Variants in FCHSD2 observed in about 807,000 individuals in gnomAD.
The protein encoded by FCHSD2 is F-BAR and double SH3 domains protein 2.
In FCHSD2, 38 loss-of-function variants were observed where a neutral mutation model predicts 108.1. That is an observed-to-expected ratio of 0.35 (90% CI 0.27 to 0.46). FCHSD2 has a LOEUF of 0.46. FCHSD2 is among the 20% of genes least tolerant of loss of function. The pLI is 1.00. For missense variants in FCHSD2, 751 were observed against 897.8 expected (o/e 0.84, Z 2.09); for synonymous variants, 279 against 314.7 (o/e 0.89, Z 1.20).
At chr11:73,032,986 T>A (rs1441345850) in intron 3 of FCHSD2, among the ~76,000 whole-genome samples, 1 of 151,944 alleles carries the variant, frequency 6.6e-6, no homozygotes, top group Non-Finnish European at 1.5e-5. Flanking sequence ...GTGGGAAACA[T>A]GGATTAAGAG....
At chr11:73,077,229 A>G (rs1859579732) in intron 3 of FCHSD2, among the ~76,000 whole-genome samples, 1 of 152,062 alleles carries the variant, frequency 6.6e-6, no homozygotes, top group Non-Finnish European at 1.5e-5. Flanking sequence ...AAACAACCCA[A>G]TTTAAAAAAA....
At chr11:73,006,404 G>C (rs1185602523) in intron 4 of FCHSD2, among the ~76,000 whole-genome samples, 1 of 152,116 alleles carries the variant, frequency 6.6e-6, no homozygotes, top group Non-Finnish European at 1.5e-5. Context: ...CTAGTAGTTG[G>C]CTCAAACCCA....
At position 72,870,009 on chromosome 11, in the gene FCHSD2, C is replaced by G. The variant is rs560432308; in HGVS notation, c.1147-1983G>C. Among the ~76,000 whole-genome samples the G allele has an allele frequency of 2.2e-4, 33 of 152,284 alleles. No individual in the cohort carries two copies. In the South Asian group the frequency reaches 5.6e-3, roughly 26 times the overall value. On this transcript the variant is annotated intron_variant, in intron 12 of 19. Transcript: ENST00000409418. The stretch of plus-strand genomic sequence containing the variant: ...CTTCTACTGTTTCTTTCCACACCCC[C>G]CTATGCTCCCACCCCACTGTCCCAC...
intron 3 of FCHSD2, among the ~76,000 whole-genome samples, chr11:73,080,087 C>T (rs1052338885): frequency 6.6e-6 from 1 of 151,684 alleles, no homozygotes; most frequent in African/African-American, 2.4e-5. Flanking sequence ...TTACTTGAAC[C>T]CAGGAGTTCG....
At chr11:73,033,221 G>C (rs967010325) in intron 3 of FCHSD2, among the ~76,000 whole-genome samples, 1 of 151,632 alleles carries the variant, frequency 6.6e-6, no homozygotes, top group African/African-American at 2.4e-5. Context: ...CCGGGAGGCG[G>C]AGGTTGCAGT....
At chr11:72,870,746 A>C (rs1453874755) in intron 12 of FCHSD2, among the ~76,000 whole-genome samples, 2 of 151,806 alleles carry the variant, frequency 1.3e-5, no homozygotes, top group African/African-American at 2.4e-5. Flanking sequence ...TAAAAATACA[A>C]AAAATTAGCT....
intron 7 of FCHSD2, 37 bp from the exon 8 acceptor site, chr11:72,984,253 G>GAT (rs1857270120): frequency 6.2e-6 from 10 of 1,605,460 alleles, no homozygotes; most frequent in Non-Finnish European, 8.5e-6. Flanking sequence ...AGTGCAAACT[G>GAT]ATATTGTACT....
At chr11:72,919,478 T>C (rs1447487634) in intron 9 of FCHSD2, among the ~76,000 whole-genome samples, 3 of 152,192 alleles carry the variant, frequency 2.0e-5, no homozygotes, top group Non-Finnish European at 4.4e-5. Flanking sequence ...TAGAAGATCA[T>C]GGAAAGCACT....
At chr11:73,056,303 A>G (rs1277445348) in intron 3 of FCHSD2, among the ~76,000 whole-genome samples, 4 of 152,238 alleles carry the variant, frequency 2.6e-5, no homozygotes, top group Admixed American at 2.6e-4. Context: ...GATGGTCTCC[A>G]TCTTTAAAAT....
intron 8 of FCHSD2, among the ~76,000 whole-genome samples, chr11:72,939,444 A>C (rs1856369077): frequency 6.6e-6 from 1 of 152,084 alleles, no homozygotes; most frequent in South Asian, 2.1e-4. Flanking sequence ...TAATGGTACT[A>C]CAATTATAAC....
At chr11:73,077,468 T>A (rs987740246) in intron 3 of FCHSD2, 8 of 305,738 alleles carry the variant, frequency 2.6e-5, no homozygotes, top group African/African-American at 1.8e-4. Flanking sequence ...GGGAACAATC[T>A]CCTTGGAATA....
chr11:72,886,228 CTG>C (rs1362863656), intron 12 of FCHSD2, among the ~76,000 whole-genome samples: 2 of 152,182 alleles, frequency 1.3e-5, no homozygotes, highest in Admixed American at 6.5e-5. Context: ...AGTGCTTATT[CTG>C]TCTTTGGGAA....
At chr11:72,985,892 T>A (rs1417059322) in intron 6 of FCHSD2, among the ~76,000 whole-genome samples, 1 of 151,472 alleles carries the variant, frequency 6.6e-6, no homozygotes, top group Non-Finnish European at 1.5e-5. Context: ...GACCAGTGAT[T>A]TTTTTTTTAA....
At chr11:72,997,539 G>A (rs1045913942) in intron 5 of FCHSD2, among the ~76,000 whole-genome samples, 7 of 152,112 alleles carry the variant, frequency 4.6e-5, no homozygotes, top group Non-Finnish European at 8.8e-5. Flanking sequence ...GAGACCTACA[G>A]TAATTCAGAT....
intron 13 of FCHSD2, among the ~76,000 whole-genome samples, chr11:72,863,555 A>G (rs1854650648): frequency 6.6e-6 from 1 of 152,158 alleles, no homozygotes; most frequent in South Asian, 2.1e-4. Flanking sequence ...TAAGGAAATA[A>G]AAAAATAAGC....
chr11:72,914,839 T>A (rs527575711), intron 9 of FCHSD2, among the ~76,000 whole-genome samples: 1 of 151,946 alleles, frequency 6.6e-6, no homozygotes, highest in Non-Finnish European at 1.5e-5. Context: ...GATTTCATGA[T>A]GAAGATGCCA....
chr11:73,062,274 C>T (rs754043572), intron 3 of FCHSD2, among the ~76,000 whole-genome samples: 8 of 152,044 alleles, frequency 5.3e-5, no homozygotes, highest in African/African-American at 1.9e-4. Context: ...TCAAACACAC[C>T]AATGGAAGGT....
In FCHSD2 at chr11:72,836,774, T is replaced by G. The variant is rs1391849871; in HGVS notation, c.*2017A>C. On this transcript the variant is annotated 3_prime_UTR_variant, in exon 20 of 20. Transcript: ENST00000409418. ...TCCATTTTTTTTATTATTCAACATT[T>G]TATACATAATAAATACAAACTTTTT... is the stretch of plus-strand genomic sequence containing the variant. The G allele has an allele frequency of 6.6e-6, 1 of 152,596 alleles. No individual in the cohort carries two copies. 9.5% of individuals were successfully genotyped at this position (152,596 alleles called of 1,614,324 possible). A position where few individuals can be genotyped will look rare whatever the true frequency, so the allele number is the denominator to read the frequency against.
rs180959279 is a variant in FCHSD2 at position 73,041,480 on chromosome 11, A to G, written c.166-25595T>C. Among the ~76,000 whole-genome samples, 896 of 152,292 alleles carry G rather than the reference A, an allele frequency of 5.9e-3. 6 individuals are homozygous for G. Among genetic ancestry groups the G allele is most frequent in the Non-Finnish European group, 9.6e-3 (652 of 68,006 alleles). On this transcript the variant is annotated intron_variant, in intron 3 of 19. Transcript: ENST00000409418. ...TTTGATTTTCATTTCCCTGATGATT[A>G]GTGATGCTGAGCATTTTTTCATATA...
Sources: gnomAD v4.1 joint callset for allele counts (sites outside exome capture counted in the v4.1 genomes callset) on GRCh38, gnomAD v4.1.1 for gene constraint, MANE v1.5 for transcripts, NCBI Gene and HGNC (gene_info 2026-07-23, HGNC 2026-07-21) for gene names.